The following PCDH17 variants were observed in gnomAD, a reference collection of about 807,000 sequenced individuals.
PCDH17 encodes protocadherin 17.
Under a neutral mutation model 67.7 loss-of-function variants are expected in PCDH17, and 21 were observed. The observed-to-expected ratio is 0.31, with a 90% CI of 0.22 to 0.45. The LOEUF (loss-of-function observed/expected upper bound fraction) is 0.45. PCDH17 is among the 20% of genes least tolerant of loss of function. The pLI is 1.00. For synonymous variants in PCDH17, 701 were observed against 656.7 expected, an observed-to-expected ratio of 1.07 and a Z score of -1.03; for missense variants, 1,471 against 1,564.8, an observed-to-expected ratio of 0.94 and a Z score of 1.01.
rs765018065 is a variant in PCDH17 at position 57,728,045 on chromosome 13, T to C, written c.*2751T>C. ...AGGCTCTCTGTCACCAGTGATTTAC[T>C]AGTGTTAGCTGTTTAACACATTATC... On this transcript the variant is annotated 3_prime_UTR_variant, in exon 4 of 4. Transcript: ENST00000377918. 6.5e-6 allele frequency: 1 copy of C among 152,768 alleles called. No individual in the cohort carries two copies. The highest frequency in any genetic ancestry group is 2.1e-4 in the South Asian group (1 of 4,834). 9.5% of individuals were successfully genotyped at this position (152,768 alleles called of 1,614,324 possible).
Position 57,724,898 on chromosome 13 carries a change from C to A in PCDH17, c.3084C>A (p.Leu1028=). 6.2e-7 allele frequency: 1 copy of A among 1,614,192 alleles called. No individual in the cohort carries two copies. The highest frequency in any genetic ancestry group is 1.3e-5 in the African/African-American group (1 of 75,068). Residue 1028 remains leucine (L), a synonymous_variant, in exon 4 of 4, where the codon CTC becomes CTA. Coordinates refer to ENST00000377918, the MANE Select transcript of PCDH17 (RefSeq NM_001040429.3). The part of the protein sequence containing the change: ...YLKAKRALSP[L]LQEVPSASSS... ...AAGCCAAACGTGCCCTGAGCCCTCTCCTCCAAGAGGTCCCCTCAGCATCAA... is the reference window on the plus strand; with the variant it reads ...AAGCCAAACGTGCCCTGAGCCCTCTACTCCAAGAGGTCCCCTCAGCATCAA...
At chr13:57,710,445 A>G (rs1488651477) in intron 3 of PCDH17, among the ~76,000 whole-genome samples, 1 of 151,912 alleles carries the variant, frequency 6.6e-6, no homozygotes, top group Non-Finnish European at 1.5e-5. Context: ...CTGGAACTCC[A>G]TAAATTATGC....
In PCDH17 at chr13:57,635,819, T is replaced by G. The variant is rs1954816196; in HGVS notation, c.2565+708T>G. ...GGCTCTGCATAATGACTAGTAACTATCTATGAAAAGTTTGTATTTGTTTTG... is the reference window on the plus strand; with the variant it reads ...GGCTCTGCATAATGACTAGTAACTAGCTATGAAAAGTTTGTATTTGTTTTG... On this transcript the variant is annotated intron_variant, in intron 1 of 3. Transcript: ENST00000377918. Among the ~76,000 whole-genome samples the G allele has an allele frequency of 2.0e-5, 3 of 152,284 alleles. No individual in the cohort carries two copies. The South Asian group carries it at 6.2e-4, about 32-fold the overall frequency.
At chr13:57,646,953 A>C (rs1012911869) in intron 1 of PCDH17, among the ~76,000 whole-genome samples, 2 of 151,860 alleles carry the variant, frequency 1.3e-5, no homozygotes, top group Admixed American at 1.3e-4. Context: ...TGTTACTACA[A>C]GAAGCCCTGT....
intron 1 of PCDH17, among the ~76,000 whole-genome samples, chr13:57,659,582 ATTATC>A (rs916412363): frequency 2.6e-5 from 4 of 152,138 alleles, no homozygotes; most frequent in Non-Finnish European, 5.9e-5. Flanking sequence ...ATACTCTTAT[ATTATC>A]TTAATTTTGC....
intron 3 of PCDH17, among the ~76,000 whole-genome samples, chr13:57,690,020 G>T (rs1593929559): frequency 1.3e-5 from 2 of 151,800 alleles, no homozygotes; most frequent in Admixed American, 1.3e-4. Flanking sequence ...AAATGTTCTT[G>T]ATGAAAACAA....
At chr13:57,665,741 G>T (rs1195810329) in intron 1 of PCDH17, among the ~76,000 whole-genome samples, 1 of 152,146 alleles carries the variant, frequency 6.6e-6, no homozygotes, top group Non-Finnish European at 1.5e-5. Flanking sequence ...TGTCAGTTTG[G>T]AAGCAGTAAA....
At chr13:57,664,451 T>A (rs750214250) in intron 1 of PCDH17, among the ~76,000 whole-genome samples, 7 of 152,160 alleles carry the variant, frequency 4.6e-5, no homozygotes, top group Non-Finnish European at 1.0e-4. Flanking sequence ...ACTTTAATAA[T>A]ATGCAAATAT....
At chr13:57,712,109 T>C (rs2138090652) in intron 3 of PCDH17, among the ~76,000 whole-genome samples, 1 of 151,838 alleles carries the variant, frequency 6.6e-6, no homozygotes, top group African/African-American at 2.4e-5. Context: ...AATACTTTTA[T>C]CATTTAAAGA....
chr13:57,714,820 GAA>G (rs755418660), intron 3 of PCDH17, among the ~76,000 whole-genome samples: 4 of 151,666 alleles, frequency 2.6e-5, no homozygotes, highest in South Asian at 2.1e-4. Flanking sequence ...ACTTAAAAGA[GAA>G]AAGTGTCTCA....
intron 3 of PCDH17, among the ~76,000 whole-genome samples, chr13:57,723,893 G>T (rs953968157): frequency 6.6e-6 from 1 of 152,148 alleles, no homozygotes; most frequent in Admixed American, 6.5e-5. Flanking sequence ...ATCATGATTT[G>T]TCATTCATTC....
At chr13:57,693,820 T>A (rs889933557) in intron 3 of PCDH17, among the ~76,000 whole-genome samples, 1 of 151,096 alleles carries the variant, frequency 6.6e-6, no homozygotes, top group Admixed American at 6.6e-5. Context: ...CTTGATTTTC[T>A]TTTTAAATTT....
At chr13:57,639,979 A>G (rs1306847880) in intron 1 of PCDH17, among the ~76,000 whole-genome samples, 1 of 152,018 alleles carries the variant, frequency 6.6e-6, no homozygotes, top group Non-Finnish European at 1.5e-5. Flanking sequence ...ATGCTATAAC[A>G]TATATCATTC....
chr13:57,713,497 A>G (rs1268041722), intron 3 of PCDH17, among the ~76,000 whole-genome samples: 1 of 151,616 alleles, frequency 6.6e-6, no homozygotes, highest in Admixed American at 6.6e-5. Context: ...ATTTTTGACT[A>G]TTTAAAATAA....
intron 1 of PCDH17, among the ~76,000 whole-genome samples, chr13:57,639,730 A>G (rs534845494): frequency 2.0e-3 from 299 of 152,064 alleles, no homozygotes; most frequent in Non-Finnish European, 3.6e-3. Context: ...ATATTACCAT[A>G]TGTAAGTATA....
At chr13:57,640,411 A>G (rs1328274243) in intron 1 of PCDH17, among the ~76,000 whole-genome samples, 1 of 151,994 alleles carries the variant, frequency 6.6e-6, no homozygotes, top group Non-Finnish European at 1.5e-5. Flanking sequence ...ATGTCTTTAT[A>G]TTTTCAATAT....
At position 57,634,144 on chromosome 13, in the gene PCDH17, C is replaced by T; in HGVS notation, c.1598C>T (p.Ala533Val). 2.5e-6 allele frequency: 4 copies of T among 1,613,688 alleles called. No individual in the cohort carries two copies. Among genetic ancestry groups the T allele is most frequent in the Non-Finnish European group, 3.4e-6 (4 of 1,180,024 alleles). Residue 533 changes from alanine to valine, a missense_variant, in exon 1 of 4, where the codon GCC becomes GTC. Ala to Val is a moderately conservative substitution (Grantham distance 64). This residue lies in a region of PCDH17 where 1,163 missense variants were observed against 1,230.0 expected (regional missense o/e 0.95). Coordinates refer to ENST00000377918, the MANE Select transcript of PCDH17 (RefSeq NM_001040429.3). The surrounding 1 kb of genome is among the most constrained non-coding windows in gnomAD (Gnocchi z 7.8). ...GTGTCTGTGAATCCCACGAACGGGG[C>T]CATCTACGCCCTGCGCTCCTTTAAC... ...TYVSVNPTNG[A>V]IYALRSFNFE...
chr13:57,680,580 A>T (rs2138046961), intron 3 of PCDH17, among the ~76,000 whole-genome samples: 1 of 149,154 alleles, frequency 6.7e-6, no homozygotes, highest in Non-Finnish European at 1.5e-5. Flanking sequence ...CTTTAGAATG[A>T]TTTTTTTTTT....
At chr13:57,684,822 C>T (rs1391876376) in intron 3 of PCDH17, among the ~76,000 whole-genome samples, 5 of 151,948 alleles carry the variant, frequency 3.3e-5, no homozygotes, top group African/African-American at 7.2e-5. Context: ...ACATTTATTA[C>T]TTACGTATCA....
Sources: gnomAD v4.1 joint callset for allele counts (sites outside exome capture counted in the v4.1 genomes callset) on GRCh38, gnomAD v4.1.1 for gene constraint, gnomAD v4.1.1 regional missense constraint, Gnocchi (gnomAD v3.1) non-coding constraint, MANE v1.5 for transcripts, NCBI Gene and HGNC (gene_info 2026-07-23, HGNC 2026-07-21) for gene names.